RAD51: variants seen among roughly 807,000 people sequenced by gnomAD.
RAD51 encodes the protein RAD51 recombinase, also known as DNA repair protein RAD51 homolog 1.
Under a neutral mutation model 41.5 loss-of-function variants are expected in RAD51, and 14 were observed. That is an observed-to-expected ratio of 0.34 (90% CI 0.22 to 0.53). RAD51 has a LOEUF of 0.53. Ranked by LOEUF, RAD51 falls within the 20% of genes least tolerant of loss-of-function variation. The pLI is 0.95. For missense variants in RAD51, 234 were observed against 422.0 expected (o/e 0.55, Z 3.90); for synonymous variants, 136 against 148.6 (o/e 0.92, Z 0.62).
intron 6 of RAD51, among the ~76,000 whole-genome samples, chr15:40,727,360 G>A (rs1031033200): frequency 6.6e-6 from 1 of 152,104 alleles, no homozygotes; most frequent in Non-Finnish European, 1.5e-5. Context: ...CCAGGATGGA[G>A]TGCAGTGGTG....
At chr15:40,730,958 AATATATGTCTAAAAAATTTTC>A in intron 9 of RAD51, 76 bp from the exon 10 acceptor site, 3 of 1,498,158 alleles carry the variant, frequency 2.0e-6, no homozygotes, top group Non-Finnish European at 2.8e-6. Context: ...TTCTAGGAAG[AATATATGTCTAAAAAATTTTC>A]AGCTCTGTTA....
intron 4 of RAD51, among the ~76,000 whole-genome samples, chr15:40,706,948 A>T (rs45597836): frequency 0.014 from 2,162 of 152,230 alleles, 54 homozygotes; most frequent in African/African-American, 0.049. Context: ...CATTGTGTAC[A>T]CACTAATCTT....
Position 40,729,056 on chromosome 15 carries a change from A to C in RAD51, c.644+232A>C, listed in dbSNP as rs1286167223. On this transcript the variant is annotated intron_variant, in intron 7 of 9. Transcript: ENST00000267868. The stretch of plus-strand genomic sequence containing the variant: ...GTTAAACGGTGCCTCAGATGTTAGT[A>C]CTGTGCAAATATTTTAATAAAACAT... Among the ~76,000 whole-genome samples the C allele has an allele frequency of 2.0e-5, 3 of 152,168 alleles. No individual in the cohort carries two copies. The South Asian group carries it at 6.2e-4, about 32-fold the overall frequency.
chr15:40,706,489 G>A (rs1184163107), intron 4 of RAD51, among the ~76,000 whole-genome samples, 195 bp downstream of exon 4: 2 of 152,206 alleles, frequency 1.3e-5, no homozygotes, highest in Non-Finnish European at 2.9e-5. Flanking sequence ...CTGAGGCTGG[G>A]AGTTCGAGAC....
intron 4 of RAD51, among the ~76,000 whole-genome samples, chr15:40,707,487 A>G (rs935306787): frequency 6.6e-6 from 1 of 151,216 alleles, no homozygotes; most frequent in Non-Finnish European, 1.5e-5. Context: ...TTGTATTTTT[A>G]GTAGAGATGA....
intron 2 of RAD51, among the ~76,000 whole-genome samples, chr15:40,699,541 G>T (rs1301524386): frequency 6.6e-6 from 1 of 152,072 alleles, no homozygotes; most frequent in Non-Finnish European, 1.5e-5. Flanking sequence ...CTGCCTTGGC[G>T]TCCCAAACTG....
chr15:40,706,347 G>A, intron 4 of RAD51, 53 bp downstream of exon 4: 3 of 1,383,622 alleles, frequency 2.2e-6, no homozygotes, highest in Non-Finnish European at 3.1e-6. Flanking sequence ...AAGCTTCCAG[G>A]TTATAAAACA....
chr15:40,727,952 C>T (rs1014808569), intron 6 of RAD51, among the ~76,000 whole-genome samples: 7 of 151,388 alleles, frequency 4.6e-5, no homozygotes, highest in African/African-American at 1.2e-4. Flanking sequence ...TTCTGTCTCC[C>T]GGGTTCAAGC....
intron 4 of RAD51, among the ~76,000 whole-genome samples, chr15:40,708,646 C>T (rs530398081): frequency 7.2e-5 from 11 of 152,214 alleles, no homozygotes; most frequent in Non-Finnish European, 1.6e-4. Flanking sequence ...TGCACTGGCA[C>T]GATTTTGGCT....
rs750788683 is a variant in RAD51, at chr15:40,729,969, A to G, written c.891A>G (p.Thr297=). The part of the protein sequence containing the change: ...IGGNIIAHAS[T]TRLYLRKGRG... ...GAAATATCATCGCCCATGCATCAAC[A>G]ACCAGGTAAGGTGTTGATGGGATCA... The change falls in exon 9 of 10, where the codon ACA becomes ACG. Residue 297 remains threonine, a synonymous_variant. Coordinates refer to ENST00000267868, the MANE Select transcript of RAD51 (RefSeq NM_002875.5). 1 of 1,614,212 alleles carries G rather than the reference A, an allele frequency of 6.2e-7. No individual in the cohort carries two copies. Among genetic ancestry groups the G allele is most frequent in the Non-Finnish European group, 8.5e-7 (1 of 1,180,020 alleles).
chr15:40,720,845 A>G (rs551215616), intron 6 of RAD51, among the ~76,000 whole-genome samples: 1 of 152,360 alleles, frequency 6.6e-6, no homozygotes, highest in South Asian at 2.1e-4. Context: ...TTACATAAAG[A>G]GAAGCATTCC....
intron 5 of RAD51, among the ~76,000 whole-genome samples, chr15:40,712,325 A>C (rs538082207): frequency 1.3e-5 from 2 of 152,212 alleles, no homozygotes; most frequent in South Asian, 4.1e-4. Context: ...TGTTGGAAAC[A>C]TGAGTACAGG....
intron 5 of RAD51, among the ~76,000 whole-genome samples, chr15:40,715,689 C>G (rs1431473139): frequency 1.3e-5 from 2 of 152,110 alleles, no homozygotes; most frequent in Non-Finnish European, 2.9e-5. Context: ...ATGATCTTAC[C>G]CTGGGAGCTT....
rs1187936037 is a variant in RAD51 at position 40,731,280 on chromosome 15, C to T, written c.*102C>T. 2 of 1,504,948 alleles carry T rather than the reference C, an allele frequency of 1.3e-6. No individual in the cohort carries two copies. The highest frequency in any genetic ancestry group is 1.8e-6 in the Non-Finnish European group (2 of 1,088,182). 93.2% of individuals were successfully genotyped at this position (1,504,948 alleles called of 1,614,324 possible). ...ACAGGCCTCTTCCTGTTGTGACTGC[C>T]AGGATAAAGCTTCCGGGAAAACAGC... On this transcript the variant is annotated 3_prime_UTR_variant, in exon 10 of 10. Coordinates refer to ENST00000267868, the MANE Select transcript of RAD51 (RefSeq NM_002875.5).
In RAD51 at chr15:40,700,917, C is replaced by T. The variant is rs990694234; in HGVS notation, c.88-147C>T. Reference sequence around the variant, plus strand: ...TGCTGGGGGTCCTGGAACCAACTTCCCATCTCCCCCCGCCCCCCCAAGGAT... The same window carrying T: ...TGCTGGGGGTCCTGGAACCAACTTCTCATCTCCCCCCGCCCCCCCAAGGAT... On this transcript the variant is annotated intron_variant, in intron 2 of 9. Coordinates refer to ENST00000267868, the MANE Select transcript of RAD51 (RefSeq NM_002875.5). The T allele has an allele frequency of 8.8e-6, 9 of 1,026,998 alleles. No homozygotes were observed. The African/African-American group carries it at 1.3e-4, about 15-fold the overall frequency. 63.6% of individuals were successfully genotyped at this position (1,026,998 alleles called of 1,614,324 possible).
rs537451682 is a variant in RAD51, at chr15:40,731,514, A to AC, written c.*337dup. The AC allele has an allele frequency of 2.6e-4, 99 of 383,120 alleles. No individual in the cohort carries two copies. The highest frequency in any genetic ancestry group is 4.2e-4 in the Non-Finnish European group (87 of 206,586). The allele number at this position is 383,120 out of a possible 1,614,324, so 23.7% of individuals were successfully genotyped here. On this transcript the variant is annotated 3_prime_UTR_variant, in exon 10 of 10. Coordinates refer to ENST00000267868, the MANE Select transcript of RAD51 (RefSeq NM_002875.5). ...TGGACAATCTTATGTTTCCAAGAGA[A>AC]CTAAAGCTGGAGAGACCTGACCCTT...
intron 5 of RAD51, among the ~76,000 whole-genome samples, chr15:40,710,416 C>T (rs1453253225): frequency 4.8e-5 from 7 of 145,810 alleles, no homozygotes; most frequent in East Asian, 2.1e-4. Context: ...GCAGGAGAAT[C>T]GCTTGAACCC....
rs138852583 is a variant in RAD51 at position 40,703,469 on chromosome 15, T to C, written c.225+2268T>C. 8.5e-5 allele frequency among the ~76,000 whole-genome samples: 13 copies of C among 152,348 alleles called. No individual in the cohort carries two copies. The East Asian group carries it at 2.3e-3, about 27-fold the overall frequency. On this transcript the variant is annotated intron_variant, in intron 3 of 9. Transcript: ENST00000267868. Reference sequence around the variant, plus strand: ...TTCAGCTATTTGTTGATTTTTTTTCTTCATGGGAAATTTAAACATTATGAA... The same window carrying C: ...TTCAGCTATTTGTTGATTTTTTTTCCTCATGGGAAATTTAAACATTATGAA...
intron 6 of RAD51, among the ~76,000 whole-genome samples, chr15:40,724,674 C>CTTTTTTTTTTTTT (rs869156620): frequency 2.1e-5 from 2 of 94,348 alleles, no homozygotes; most frequent in African/African-American, 4.4e-5. Context: ...TTTTTTATTT[C>CTTTTTTTTTTTTT]TTTTTTTTTT....
Sources: allele counts gnomAD v4.1 joint callset (sites outside exome capture counted in the v4.1 genomes callset), GRCh38; gene constraint gnomAD v4.1.1; transcripts MANE v1.5; gene names NCBI Gene and HGNC (gene_info 2026-07-23, HGNC 2026-07-21).